Variants in THADA observed in about 807,000 individuals in gnomAD.
The protein encoded by THADA is tRNA (32-2'-O)-methyltransferase regulator THADA.
In THADA, 213 loss-of-function variants were observed where a neutral mutation model predicts 219.8. The ratio of observed to expected loss-of-function variants is 0.97; its 90% confidence interval spans 0.87 to 1.09. THADA has a LOEUF of 1.09. Among genes scored for constraint, THADA ranks in the 50% least tolerant of loss-of-function variants. The pLI, the probability that THADA is intolerant of heterozygous loss-of-function variation, is 0.00. For missense variants in THADA, 2,956 were observed against 2,311.3 expected (o/e 1.28, Z -5.72); for synonymous variants, 1,018 against 828.9 (o/e 1.23, Z -3.92).
chr2:43,407,613 A>C (rs1344247273), intron 28 of THADA, among the ~76,000 whole-genome samples: 1 of 152,182 alleles, frequency 6.6e-6, no homozygotes, highest in African/African-American at 2.4e-5. Flanking sequence ...TGCTCAACAT[A>C]CACCAATTCT....
At chr2:43,294,883 G>A (rs2104380139) in intron 31 of THADA, among the ~76,000 whole-genome samples, 1 of 152,296 alleles carries the variant, frequency 6.6e-6, no homozygotes, top group Non-Finnish European at 1.5e-5. Context: ...GCAGGACTAG[G>A]GAATGAGGGT....
chr2:43,299,381 G>A (rs902609629), intron 31 of THADA, among the ~76,000 whole-genome samples: 5 of 152,188 alleles, frequency 3.3e-5, no homozygotes, highest in African/African-American at 7.2e-5. Flanking sequence ...AAATCTAGCC[G>A]GGCGCAGTGG....
chr2:43,337,069 A>G (rs1666541681), intron 30 of THADA, among the ~76,000 whole-genome samples: 1 of 152,212 alleles, frequency 6.6e-6, no homozygotes, highest in Non-Finnish European at 1.5e-5. Context: ...TTAAAAAAAG[A>G]AATGTAAATC....
intron 29 of THADA, 23 bp downstream of exon 29, chr2:43,397,945 AAGT>A (rs1674285563): frequency 2.5e-6 from 4 of 1,612,184 alleles, no homozygotes; most frequent in Admixed American, 3.3e-5. Context: ...TGTTTGACAG[AAGT>A]CACACAAAGC....
chr2:43,498,201 G>C (rs190668960), intron 25 of THADA, among the ~76,000 whole-genome samples: 2 of 152,044 alleles, frequency 1.3e-5, no homozygotes, highest in African/African-American at 4.8e-5. Flanking sequence ...AGACAGAAAG[G>C]AGAATAGAGG....
chr2:43,390,580 T>C (rs1248444776), intron 29 of THADA, among the ~76,000 whole-genome samples: 1 of 152,194 alleles, frequency 6.6e-6, no homozygotes, highest in African/African-American at 2.4e-5. Flanking sequence ...CCTACTCTAC[T>C]TGTTCCTTTG....
At chr2:43,285,204 A>C (rs1400389424) in intron 35 of THADA, among the ~76,000 whole-genome samples, 1 of 152,224 alleles carries the variant, frequency 6.6e-6, no homozygotes, top group Non-Finnish European at 1.5e-5. Context: ...TGAGAAGGAC[A>C]TGAGATTCAG....
chr2:43,543,695 T>C lies in THADA; in HGVS notation c.3107-2379A>G, dbSNP rs541857838. Among the ~76,000 whole-genome samples, 3 of 152,390 alleles carry C rather than the reference T, an allele frequency of 2.0e-5. No homozygotes were observed. The East Asian group carries it at 5.8e-4, about 29-fold the overall frequency. On this transcript the variant is annotated intron_variant, in intron 20 of 37. Transcript: ENST00000405975. ...CTTCTTTTGAGAAGTTCTGTTCATGTCCTTTGCCCACTTTTTGATGGGGTT... is the reference window on the plus strand; with the variant it reads ...CTTCTTTTGAGAAGTTCTGTTCATGCCCTTTGCCCACTTTTTGATGGGGTT...
At chr2:43,349,692 CT>C (rs1331098842) in intron 29 of THADA, among the ~76,000 whole-genome samples, 1 of 152,134 alleles carries the variant, frequency 6.6e-6, no homozygotes, top group Non-Finnish European at 1.5e-5. Flanking sequence ...AAAAAGACAA[CT>C]CTAATAAGAA....
chr2:43,572,902 T>C lies in THADA; in HGVS notation c.1820A>G (p.His607Arg), dbSNP rs761628561. 3.1e-6 allele frequency: 5 copies of C among 1,613,236 alleles called. No homozygotes were observed. The East Asian group carries it at 1.1e-4, about 36-fold the overall frequency. The change falls in exon 12 of 38, where the codon CAT becomes CGT. Residue 607 changes from histidine to arginine, a missense_variant. Coordinates refer to ENST00000405975, the MANE Select transcript of THADA (RefSeq NM_022065.5). ...LMACLRIARA[H>R]GHLQSATDTW... ...ATCAGTTGCAGACTGAAGATGTCCA[T>C]GAGCTCTAGCTATTCGCAGACATGC... is the stretch of plus-strand genomic sequence containing the variant.
At chr2:43,292,460 C>T (rs1263236291) in intron 32 of THADA, among the ~76,000 whole-genome samples, 1 of 152,144 alleles carries the variant, frequency 6.6e-6, no homozygotes, top group Non-Finnish European at 1.5e-5. Context: ...GGCCAGTGCC[C>T]TTTCCTTTTG....
At chr2:43,313,244 T>A (rs879287445) in intron 31 of THADA, among the ~76,000 whole-genome samples, 10 of 152,220 alleles carry the variant, frequency 6.6e-5, no homozygotes, top group Admixed American at 6.5e-4. Context: ...ATTATATAAA[T>A]ACAAGCAGTA....
At chr2:43,288,355 C>G (rs1674298779) in intron 34 of THADA, among the ~76,000 whole-genome samples, 1 of 152,210 alleles carries the variant, frequency 6.6e-6, no homozygotes, top group Non-Finnish European at 1.5e-5. Flanking sequence ...GGGGCGGAGG[C>G]TGCAGTGAGC....
Position 43,511,512 on chromosome 2 carries a change from A to G in THADA, c.3375-2732T>C, listed in dbSNP as rs147680711. 7.2e-5 allele frequency among the ~76,000 whole-genome samples: 11 copies of G among 152,202 alleles called. No individual in the cohort carries two copies. In the East Asian group the frequency reaches 2.1e-3, roughly 29 times the overall value. On this transcript the variant is annotated intron_variant, in intron 22 of 37. Transcript: ENST00000405975. ...ATCTAACTCCTCTTCTAACTTTGTC[A>G]AACTCTCCTAGCTTGAAAGGTTGCC...
intron 14 of THADA, among the ~76,000 whole-genome samples, chr2:43,568,032 G>A (rs145761538): frequency 9.9e-5 from 15 of 151,976 alleles, no homozygotes; most frequent in African/African-American, 2.9e-4. Context: ...ACTGGGGGTG[G>A]GGGGGAGAAA....
In THADA at chr2:43,333,541, G is replaced by A. The variant is rs13395455; in HGVS notation, c.4343+10581C>T. On this transcript the variant is annotated intron_variant, in intron 30 of 37. Coordinates refer to ENST00000405975, the MANE Select transcript of THADA (RefSeq NM_022065.5). ...TTTTTGAAAGAAAAAAAGAAGGAAA[G>A]AAAGAAAGAAGAAAAAACGAGAGAA... is the stretch of plus-strand genomic sequence containing the variant. Among the ~76,000 whole-genome samples, 860 of 150,218 alleles carry A rather than the reference G, an allele frequency of 5.7e-3. 12 individuals are homozygous for A. The highest frequency in any genetic ancestry group is 0.02 in the African/African-American group (829 of 41,006).
At chr2:43,498,773 T>C (rs1293626387) in intron 25 of THADA, 60 bp downstream of exon 25, 2 of 1,515,166 alleles carry the variant, frequency 1.3e-6, no homozygotes, top group Non-Finnish European at 1.8e-6. Flanking sequence ...AAGATTAGTT[T>C]ATTAAAACCT....
At chr2:43,326,318 G>C (rs960705243) in intron 30 of THADA, among the ~76,000 whole-genome samples, 1 of 152,140 alleles carries the variant, frequency 6.6e-6, no homozygotes, top group Non-Finnish European at 1.5e-5. Context: ...GCAGAGAGTT[G>C]GAGAATGGGG....
chr2:43,537,798 T>A (rs1209382272), intron 21 of THADA, among the ~76,000 whole-genome samples: 1 of 128,036 alleles, frequency 7.8e-6, no homozygotes, highest in Non-Finnish European at 1.7e-5. Flanking sequence ...AGATCCCGTC[T>A]CTACAAAAAT....
Sources: allele counts gnomAD v4.1 joint callset (sites outside exome capture counted in the v4.1 genomes callset), GRCh38; gene constraint gnomAD v4.1.1; transcripts MANE v1.5; gene names NCBI Gene and HGNC (gene_info 2026-07-23, HGNC 2026-07-21).